The following ARSL variants were observed in gnomAD, a reference collection of about 807,000 sequenced individuals.
ARSL encodes arylsulfatase E (chondrodysplasia punctata 1).
Under a neutral mutation model 31.1 loss-of-function variants are expected in ARSL, and 4 were observed. The observed-to-expected ratio is 0.13, with a 90% CI of 0.06 to 0.29. The LOEUF (loss-of-function observed/expected upper bound fraction) is 0.29. Ranked by LOEUF, ARSL falls within the 10% of genes least tolerant of loss-of-function variation. ARSL has a pLI of 1.00. For synonymous variants in ARSL, 198 were observed against 209.9 expected (o/e 0.94, Z 0.49); for missense variants, 312 against 497.8 (o/e 0.63, Z 3.55).
chrX:2,950,193 G>T (rs982776427), intron 5 of ARSL, among the ~76,000 whole-genome samples: 3 of 111,382 alleles, frequency 2.7e-5, no homozygotes, highest in Non-Finnish European at 5.6e-5. Context: ...TCCTCTGTGT[G>T]TGTCTGCGAC....
chrX:2,942,355 G>A (rs1334367404), intron 8 of ARSL, among the ~76,000 whole-genome samples: 1 of 111,059 alleles, frequency 9.0e-6, no homozygotes, highest in Non-Finnish European at 1.9e-5. Flanking sequence ...GCAGTGGCGC[G>A]ATCTCAGCTC....
rs777072816 is a variant in ARSL, at chrX:2,958,409, G to A, written c.50C>T (p.Ala17Val). The A allele has an allele frequency of 4.1e-6, 5 of 1,212,001 alleles. No homozygotes were observed. The highest frequency in any genetic ancestry group is 1.8e-5 in the South Asian group (1 of 56,980). ...CAAACTTAGCAGTACAGCGAGCATCGCTGGCAGCCAGCTCCTGAAACACAA... is the reference window on the plus strand; with the variant it reads ...CAAACTTAGCAGTACAGCGAGCATCACTGGCAGCCAGCTCCTGAAACACAA... ...SCLCFRSWLP[A>V]MLAVLLSLAP... The change falls in exon 3 of 11, where the codon GCG becomes GTG. Residue 17 changes from alanine to valine, a missense_variant. Ala to Val is a moderately conservative substitution (Grantham distance 64). Transcript: ENST00000381134.
chrX:2,961,151 G>T (rs1045531422), intron 1 of ARSL, among the ~76,000 whole-genome samples: 5 of 111,369 alleles, frequency 4.5e-5, no homozygotes, highest in African/African-American at 1.6e-4. Flanking sequence ...GGGAGAGGGG[G>T]CGACCATTGC....
intron 5 of ARSL, 60 bp downstream of exon 5, chrX:2,953,083 T>C: frequency 8.5e-7 from 1 of 1,177,648 alleles, no homozygotes; most frequent in South Asian, 1.8e-5. Flanking sequence ...CCAAACTCTT[T>C]AGCTGAATGT....
chrX:2,961,859 T>G (rs979769710), intron 1 of ARSL, among the ~76,000 whole-genome samples: 3 of 77,276 alleles, frequency 3.9e-5, no homozygotes, highest in South Asian at 4.9e-4. Flanking sequence ...GATCCCAGGG[T>G]TTTTTTTTTT....
At chrX:2,948,273 T>G (rs1216804130) in intron 6 of ARSL, among the ~76,000 whole-genome samples, 1 of 112,190 alleles carries the variant, frequency 8.9e-6, no homozygotes, top group Non-Finnish European at 1.9e-5. Context: ...AGAACTAGTT[T>G]CATCCCATTT....
Position 2,960,344 on chromosome X carries a change from AGACTACTAATGAGT to A in ARSL, c.23+20_23+33del, listed in dbSNP as rs1309659508. 1 of 832,050 alleles carries A rather than the reference AGACTACTAATGAGT, an allele frequency of 1.2e-6. No individual in the cohort carries two copies. The highest frequency in any genetic ancestry group is 2.0e-5 in the African/African-American group (1 of 48,818). The allele number at this position is 832,050 out of a possible 1,213,427, so 68.6% of individuals were successfully genotyped here. On this transcript the variant is annotated intron_variant, in intron 2 of 10. Coordinates refer to ENST00000381134, the MANE Select transcript of ARSL (RefSeq NM_000047.3). ...AGAGAAAGAAAGAAAGAAAGAAAGG[AGACTACTAATGAGT>A]GCATATAATTGTATCTTACCAAGAA... is the stretch of plus-strand genomic sequence containing the variant.
chrX:2,941,565 T>C (rs2089283094), intron 8 of ARSL, among the ~76,000 whole-genome samples: 1 of 111,977 alleles, frequency 8.9e-6, no homozygotes, highest in African/African-American at 3.2e-5. Flanking sequence ...TCCACAATCC[T>C]TTATCTTAAC....
At chrX:2,952,347 C>T (rs5982939) in intron 5 of ARSL, among the ~76,000 whole-genome samples, 4 of 110,446 alleles carry the variant, frequency 3.6e-5, no homozygotes, top group East Asian at 2.8e-4. Flanking sequence ...TTTTCTTTTT[C>T]GTAGAGACAG....
At chrX:2,968,240 C>G, upstream of ARSL, 1 of 1,080,077 alleles carries the variant, frequency 9.3e-7, no homozygotes, top group South Asian at 2.0e-5. Flanking sequence ...AAAACAGACA[C>G]GCACTGGCTG....
intron 9 of ARSL, among the ~76,000 whole-genome samples, chrX:2,937,407 G>A (rs1369794731): frequency 8.1e-4 from 87 of 107,378 alleles, no homozygotes; most frequent in Non-Finnish European, 1.5e-3. Flanking sequence ...AAAAAAAAAA[G>A]AAGAAAAAAA....
chrX:2,957,220 C>CAA (rs746761169), intron 3 of ARSL, among the ~76,000 whole-genome samples: 4 of 90,942 alleles, frequency 4.4e-5, no homozygotes, highest in African/African-American at 1.2e-4. Flanking sequence ...GACTCCGTCT[C>CAA]AAAAAAAAAA....
chrX:2,959,885 G>T, intron 2 of ARSL: 1 of 314,699 alleles, frequency 3.2e-6, no homozygotes. Context: ...GTGAGACCCT[G>T]TCTCTATATA....
intron 4 of ARSL, among the ~76,000 whole-genome samples, chrX:2,953,473 G>C (rs1350703286): frequency 8.9e-6 from 1 of 112,355 alleles, no homozygotes; most frequent in African/African-American, 3.2e-5. Flanking sequence ...TTAGCGAGAA[G>C]ATGGACTTTC....
intron 10 of ARSL, among the ~76,000 whole-genome samples, chrX:2,936,264 G>T (rs747239857): frequency 3.1e-4 from 34 of 110,306 alleles, no homozygotes; most frequent in African/African-American, 1.1e-3. Context: ...GAACCCGGGA[G>T]ACTGCAGTTG....
intron 2 of ARSL, chrX:2,959,894 T>C (rs186814673): frequency 1.0e-3 from 280 of 269,752 alleles, no homozygotes; most frequent in African/African-American, 8.6e-3. Flanking sequence ...TGTCTCTATA[T>C]AAGAAAGGAA....
At chrX:2,944,621 G>A (rs1475086142) in intron 7 of ARSL, among the ~76,000 whole-genome samples, 1 of 108,346 alleles carries the variant, frequency 9.2e-6, no homozygotes, top group African/African-American at 3.4e-5. Flanking sequence ...CAATTATTCT[G>A]AGGATCCTGG....
At chrX:2,951,800 T>TAA (rs35592318) in intron 5 of ARSL, among the ~76,000 whole-genome samples, 35 of 84,204 alleles carry the variant, frequency 4.2e-4, no homozygotes, top group Non-Finnish European at 6.5e-4. Flanking sequence ...GTACCCTGTT[T>TAA]AAAAAAAAAA....
chrX:2,961,348 G>C (rs1482001932), intron 1 of ARSL, among the ~76,000 whole-genome samples: 2 of 111,128 alleles, frequency 1.8e-5, no homozygotes, highest in Admixed American at 9.6e-5. Flanking sequence ...GCAGTGGTCT[G>C]ACCCCATGTG....
Sources: allele counts gnomAD v4.1 joint callset (sites outside exome capture counted in the v4.1 genomes callset), GRCh38; gene constraint gnomAD v4.1.1; transcripts MANE v1.5; gene names NCBI Gene and HGNC (gene_info 2026-07-23, HGNC 2026-07-21).